RBFOX1: variants seen among roughly 807,000 people sequenced by gnomAD.
RBFOX1 encodes RNA binding fox-1 homolog 1, also known as RNA binding protein fox-1 homolog 1.
RBFOX1 carries 8 observed loss-of-function variants against 57.7 expected under a neutral mutation model. The observed-to-expected ratio is 0.14, with a 90% CI of 0.08 to 0.25. The LOEUF is 0.25. RBFOX1 is among the 10% of genes least tolerant of loss of function. RBFOX1 has a pLI of 1.00. For synonymous variants in RBFOX1, 326 were observed against 222.4 expected, an observed-to-expected ratio of 1.47 and a Z score of -4.15; for missense variants, 611 against 548.5, an observed-to-expected ratio of 1.11 and a Z score of -1.14.
In RBFOX1 at chr16:6,512,964, G is replaced by T. The variant is rs547089206; in HGVS notation, c.-63-141639G>T. Among the ~76,000 whole-genome samples the T allele has an allele frequency of 4.6e-5, 7 of 152,284 alleles. No individual in the cohort carries two copies. The South Asian group carries it at 1.5e-3, about 32-fold the overall frequency. ...ACACATGAAGTTTTGTATTGGGATGGAAAGGAGAAGCAGAATAATTTTGTT... is the reference window on the plus strand; with the variant it reads ...ACACATGAAGTTTTGTATTGGGATGTAAAGGAGAAGCAGAATAATTTTGTT... On this transcript the variant is annotated intron_variant, in intron 2 of 15. Coordinates refer to ENST00000550418, the MANE Select transcript of RBFOX1 (RefSeq NM_018723.4).
intron 4 of RBFOX1, among the ~76,000 whole-genome samples, chr16:5,989,645 C>T (rs578214729): frequency 1.6e-4 from 24 of 151,944 alleles, no homozygotes; most frequent in Middle Eastern, 3.4e-3. Context: ...CCTTCACCTC[C>T]AATCAATAAA....
chr16:7,154,544 T>G (rs2076707273), intron 4 of RBFOX1, among the ~76,000 whole-genome samples: 1 of 152,202 alleles, frequency 6.6e-6, no homozygotes, highest in Admixed American at 6.5e-5. Flanking sequence ...CTTGAGTTGT[T>G]AGATAGTCTT....
At chr16:5,364,796 G>A (rs1426637499) in intron 1 of RBFOX1, among the ~76,000 whole-genome samples, 1 of 152,154 alleles carries the variant, frequency 6.6e-6, no homozygotes, top group Non-Finnish European at 1.5e-5. Flanking sequence ...CTTTAAAGAT[G>A]GGGAGATGGG....
chr16:6,995,519 C>G (rs552947001), intron 3 of RBFOX1, among the ~76,000 whole-genome samples: 37 of 152,224 alleles, frequency 2.4e-4, no homozygotes, highest in Admixed American at 8.5e-4. Flanking sequence ...AATCCCACTA[C>G]TTTGGGAGGC....
intron 2 of RBFOX1, among the ~76,000 whole-genome samples, chr16:6,379,834 G>A (rs2091608293): frequency 6.6e-6 from 1 of 152,160 alleles, no homozygotes; most frequent in African/African-American, 2.4e-5. Context: ...TATGTTAGAG[G>A]AGTTTGCAGA....
At chr16:6,351,922 A>G (rs1460315340) in intron 2 of RBFOX1, among the ~76,000 whole-genome samples, 1 of 152,194 alleles carries the variant, frequency 6.6e-6, no homozygotes. Context: ...AATGGGGAGT[A>G]TACGGGAGAT....
chr16:5,657,608 C>T (rs1266359513), intron 3 of RBFOX1, among the ~76,000 whole-genome samples: 1 of 37,960 alleles, frequency 2.6e-5, no homozygotes, highest in East Asian at 9.7e-4. Flanking sequence ...TTCTCGCTCG[C>T]TTTCTTTCTT....
At chr16:6,414,032 G>A (rs1193635399) in intron 2 of RBFOX1, among the ~76,000 whole-genome samples, 3 of 152,116 alleles carry the variant, frequency 2.0e-5, no homozygotes, top group Non-Finnish European at 2.9e-5. Context: ...ATCGTTCCGC[G>A]CAAACACAGC....
At chr16:6,621,464 AAAAC>A (rs1233748511) in intron 2 of RBFOX1, among the ~76,000 whole-genome samples, 2 of 137,130 alleles carry the variant, frequency 1.5e-5, no homozygotes, top group East Asian at 2.1e-4. Flanking sequence ...ACTCTGTCTC[AAAAC>A]AAACAAACAA....
At chr16:5,494,233 C>T (rs1009345006) in intron 2 of RBFOX1, among the ~76,000 whole-genome samples, 5 of 152,244 alleles carry the variant, frequency 3.3e-5, no homozygotes, top group African/African-American at 1.2e-4. Context: ...ATGCTACCCT[C>T]ATCCAGAAAC....
chr16:6,039,359 A>C (rs1567312551), intron 1 of RBFOX1, among the ~76,000 whole-genome samples: 1 of 151,802 alleles, frequency 6.6e-6, no homozygotes, highest in Non-Finnish European at 1.5e-5. Flanking sequence ...AAAAAAAAAA[A>C]AAAAAACAGA....
chr16:6,347,387 T>G (rs541233396), intron 2 of RBFOX1, among the ~76,000 whole-genome samples: 1 of 152,342 alleles, frequency 6.6e-6, no homozygotes, highest in East Asian at 1.9e-4. Context: ...CAAACAGGCA[T>G]GTTCCTTTCT....
In RBFOX1 at chr16:6,908,996, A is replaced by G. The variant is rs368135713; in HGVS notation, c.-15-143061A>G. Among the ~76,000 whole-genome samples the G allele has an allele frequency of 8.5e-5, 13 of 152,284 alleles. 1 individual carries two copies. The highest frequency in any genetic ancestry group is 2.6e-4 in the African/African-American group (11 of 41,560). ...GGGCTCCGTTCTTCTGCTTCTGAAC[A>G]TGCTTAGACTTCCATTTCTGTAGGA... On this transcript the variant is annotated intron_variant, in intron 3 of 15. Transcript: ENST00000550418.
chr16:7,263,597 G>A (rs886797391), intron 4 of RBFOX1, among the ~76,000 whole-genome samples: 3 of 152,026 alleles, frequency 2.0e-5, no homozygotes, highest in African/African-American at 4.8e-5. Context: ...GCTAAAAGGG[G>A]TGATAAGAGG....
At position 7,571,864 on chromosome 16, in the gene RBFOX1, C is replaced by G. The variant is rs985310546; in HGVS notation, c.271-7913C>G. Among the ~76,000 whole-genome samples, 4 of 152,314 alleles carry G rather than the reference C, an allele frequency of 2.6e-5. No homozygotes were observed. The South Asian group carries it at 8.3e-4, about 32-fold the overall frequency. ...AAAAGCTAGGCCCGGCGCCGTGGCT[C>G]AGGCCTGTAATCCCAGCACTTTGGG... On this transcript the variant is annotated intron_variant, in intron 5 of 15. Transcript: ENST00000550418.
chr16:7,574,434 T>G (rs1445994488), intron 5 of RBFOX1, among the ~76,000 whole-genome samples: 1 of 151,886 alleles, frequency 6.6e-6, no homozygotes, highest in African/African-American at 2.4e-5. Flanking sequence ...AGCAAGGAAG[T>G]CAGGCTGGGT....
rs139869863 is a variant in RBFOX1 at position 7,441,776 on chromosome 16, G to A, written c.28-76371G>A. Among the ~76,000 whole-genome samples, 10 of 152,298 alleles carry A rather than the reference G, an allele frequency of 6.6e-5. No homozygotes were observed. The East Asian group carries it at 1.7e-3, about 27-fold the overall frequency. ...CCTGCACACCTCAGTGTGGAGATGA[G>A]CTTTCCACTCCCAGGTCAACACAGA... is the stretch of plus-strand genomic sequence containing the variant. On this transcript the variant is annotated intron_variant, in intron 4 of 15. Coordinates refer to ENST00000550418, the MANE Select transcript of RBFOX1 (RefSeq NM_018723.4).
chr16:6,443,862 C>G (rs916264137), intron 2 of RBFOX1, among the ~76,000 whole-genome samples: 3 of 152,082 alleles, frequency 2.0e-5, no homozygotes, highest in African/African-American at 7.3e-5. Context: ...ATCCATCCAT[C>G]CATCCATCCC....
At chr16:7,068,859 G>A (rs1158227915) in intron 4 of RBFOX1, among the ~76,000 whole-genome samples, 2 of 152,208 alleles carry the variant, frequency 1.3e-5, no homozygotes, top group South Asian at 2.1e-4. Flanking sequence ...AATGTGCTGG[G>A]GTTTCAGGCA....
Sources: allele counts gnomAD v4.1 joint callset (sites outside exome capture counted in the v4.1 genomes callset), GRCh38; gene constraint gnomAD v4.1.1; transcripts MANE v1.5; gene names NCBI Gene and HGNC (gene_info 2026-07-23, HGNC 2026-07-21).